Variants in PDE4D observed in about 807,000 individuals in gnomAD.
PDE4D encodes the protein phosphodiesterase 4D.
Under a neutral mutation model 87.4 loss-of-function variants are expected in PDE4D, and 24 were observed. The ratio of observed to expected loss-of-function variants is 0.27; its 90% CI spans 0.20 to 0.39. PDE4D has a LOEUF of 0.39. Among genes scored for constraint, PDE4D ranks in the 10% least tolerant of loss-of-function variants. PDE4D has a pLI of 1.00. For synonymous variants in PDE4D, 384 were observed against 383.2 expected, an observed-to-expected ratio of 1.00 and a Z score of -0.02; for missense variants, 714 against 1,041.0, an observed-to-expected ratio of 0.69 and a Z score of 4.32.
At chr5:60,348,769 T>A (rs991794758) in intron 1 of PDE4D, among the ~76,000 whole-genome samples, 1 of 152,004 alleles carries the variant, frequency 6.6e-6, no homozygotes, top group East Asian at 1.9e-4. Context: ...AGACAAAATA[T>A]ATAAAAACAG....
chr5:60,042,127 G>T (rs1288199021), intron 2 of PDE4D, among the ~76,000 whole-genome samples: 1 of 152,112 alleles, frequency 6.6e-6, no homozygotes, highest in Non-Finnish European at 1.5e-5. Context: ...GAGGGGAGGG[G>T]TGTCTGCTAT....
At chr5:59,016,491 T>G (rs925922122) in intron 6 of PDE4D, among the ~76,000 whole-genome samples, 6 of 151,266 alleles carry the variant, frequency 4.0e-5, no homozygotes, top group Non-Finnish European at 8.8e-5. Context: ...GGTTTTTGTC[T>G]AAGACAGCAT....
At chr5:60,027,918 G>C (rs1179779486) in intron 2 of PDE4D, among the ~76,000 whole-genome samples, 1 of 152,174 alleles carries the variant, frequency 6.6e-6, no homozygotes, top group Non-Finnish European at 1.5e-5. Flanking sequence ...GTCCTCTGCT[G>C]TTCTGGGTAT....
chr5:59,840,438 T>C (rs1465809165), intron 1 of PDE4D, among the ~76,000 whole-genome samples: 1 of 151,994 alleles, frequency 6.6e-6, no homozygotes, highest in Non-Finnish European at 1.5e-5. Flanking sequence ...TTTCTCACCA[T>C]ATCACCAGCT....
chr5:59,726,563 CT>C (rs1358019255), intron 1 of PDE4D, among the ~76,000 whole-genome samples: 3 of 151,996 alleles, frequency 2.0e-5, no homozygotes, highest in Non-Finnish European at 4.4e-5. Context: ...TGCTGGCACC[CT>C]AATTTCAGAA....
chr5:59,918,174 T>TA (rs1326077411), intron 3 of PDE4D, among the ~76,000 whole-genome samples: 6 of 152,032 alleles, frequency 3.9e-5, no homozygotes, highest in African/African-American at 7.2e-5. Flanking sequence ...TAAATAACAT[T>TA]AAAAAAATAA....
At chr5:59,661,663 TAGAC>T (rs934478630) in intron 1 of PDE4D, among the ~76,000 whole-genome samples, 10 of 152,176 alleles carry the variant, frequency 6.6e-5, no homozygotes, top group African/African-American at 2.4e-4. Flanking sequence ...AAGCAGAACT[TAGAC>T]AGATTCTAGA....
intron 1 of PDE4D, among the ~76,000 whole-genome samples, chr5:60,276,782 C>A (rs558336357): frequency 7.9e-5 from 12 of 151,996 alleles, no homozygotes; most frequent in Middle Eastern, 3.4e-3. Flanking sequence ...TCTTTTAACA[C>A]CATTTTATAA....
intron 1 of PDE4D, among the ~76,000 whole-genome samples, chr5:59,853,613 A>G (rs1408668820): frequency 2.0e-5 from 3 of 152,014 alleles, no homozygotes; most frequent in African/African-American, 7.2e-5. Context: ...TTTTTAAGCT[A>G]TATCTAAGTG....
intron 2 of PDE4D, among the ~76,000 whole-genome samples, chr5:60,008,178 T>G (rs552822245): frequency 2.6e-5 from 4 of 152,048 alleles, no homozygotes; most frequent in Admixed American, 2.0e-4. Flanking sequence ...CCAGATATAT[T>G]TATATCTCTC....
chr5:60,178,845 C>A (rs1220473964), intron 2 of PDE4D, among the ~76,000 whole-genome samples: 2 of 152,032 alleles, frequency 1.3e-5, no homozygotes. Flanking sequence ...TAAAGCCCAA[C>A]CTGGAAGTGA....
intron 1 of PDE4D, among the ~76,000 whole-genome samples, chr5:59,868,323 T>C (rs978295881): frequency 2.0e-5 from 3 of 152,172 alleles, no homozygotes; most frequent in African/African-American, 4.8e-5. Context: ...AGTGACAATG[T>C]TTTTTATTTG....
At chr5:59,306,140 A>G (rs1182354077) in intron 1 of PDE4D, among the ~76,000 whole-genome samples, 1 of 152,182 alleles carries the variant, frequency 6.6e-6, no homozygotes, top group Non-Finnish European at 1.5e-5. Flanking sequence ...CCATTATATA[A>G]TATCCCTCTT....
intron 3 of PDE4D, among the ~76,000 whole-genome samples, chr5:59,906,941 G>A (rs1029923772): frequency 4.6e-5 from 7 of 152,110 alleles, no homozygotes; most frequent in Non-Finnish European, 8.8e-5. Context: ...AATGTTCCTT[G>A]CAGCACTGTT....
intron 1 of PDE4D, among the ~76,000 whole-genome samples, chr5:60,306,030 G>A (rs922162175): frequency 3.3e-5 from 5 of 152,006 alleles, no homozygotes; most frequent in African/African-American, 1.2e-4. Flanking sequence ...AAATACTTTT[G>A]TAAAAAGTTG....
intron 1 of PDE4D, among the ~76,000 whole-genome samples, chr5:59,550,342 T>G (rs1169979005): frequency 6.6e-6 from 1 of 152,134 alleles, no homozygotes; most frequent in East Asian, 1.9e-4. Flanking sequence ...TAAACATTGA[T>G]GTAACTAAAT....
At chr5:59,754,285 G>C (rs974010456) in intron 1 of PDE4D, among the ~76,000 whole-genome samples, 1 of 152,148 alleles carries the variant, frequency 6.6e-6, no homozygotes, top group Non-Finnish European at 1.5e-5. Context: ...AGCTGAGATC[G>C]TGCCACTGCA....
At chr5:60,066,620 AT>A (rs1772129429) in intron 2 of PDE4D, among the ~76,000 whole-genome samples, 1 of 151,490 alleles carries the variant, frequency 6.6e-6, no homozygotes, top group Admixed American at 6.6e-5. Flanking sequence ...CATCATCATC[AT>A]CATCATCTCA....
At chr5:60,028,036 T>G (rs1766822657) in intron 2 of PDE4D, among the ~76,000 whole-genome samples, 1 of 152,198 alleles carries the variant, frequency 6.6e-6, no homozygotes, top group Admixed American at 6.5e-5. Flanking sequence ...CAGAGGACCC[T>G]GAAATACTTC....
Sources: gnomAD v4.1 joint callset for allele counts (sites outside exome capture counted in the v4.1 genomes callset) on GRCh38, gnomAD v4.1.1 for gene constraint, MANE v1.5 for transcripts, NCBI Gene and HGNC (gene_info 2026-07-23, HGNC 2026-07-21) for gene names.